Variants in PTPRC observed in about 807,000 individuals in gnomAD.
The protein encoded by PTPRC is receptor-type tyrosine-protein phosphatase C.
PTPRC carries 44 observed loss-of-function variants against 155.9 expected under a neutral mutation model. That is an observed-to-expected ratio of 0.28 (90% CI 0.22 to 0.36). The LOEUF is 0.36. PTPRC is among the 10% of genes least tolerant of loss of function. The pLI is 1.00. For missense variants in PTPRC, 1,401 were observed against 1,564.6 expected (o/e 0.90, Z 1.76); for synonymous variants, 525 against 533.1 (o/e 0.98, Z 0.21).
At chr1:198,643,231 G>A (rs12043570) in intron 2 of PTPRC, among the ~76,000 whole-genome samples, 1 of 151,636 alleles carries the variant, frequency 6.6e-6, no homozygotes, top group African/African-American at 2.4e-5. Context: ...ATGTGAATTA[G>A]TGGATTTCTT....
At chr1:198,639,452 T>C in intron 2 of PTPRC, 111 bp downstream of exon 2, 1 of 808,040 alleles carries the variant, frequency 1.2e-6, no homozygotes, top group Non-Finnish European at 2.0e-6. Flanking sequence ...GTGAGAAGCC[T>C]GCTGTAAACC....
chr1:198,702,384 C>T lies in PTPRC; in HGVS notation c.440-3C>T. 1 of 1,614,178 alleles carries T rather than the reference C, an allele frequency of 6.2e-7. No individual in the cohort carries two copies. On this transcript the variant is annotated splice_polypyrimidine_tract_variant and splice_region_variant and intron_variant, in intron 5 of 32. Transcript: ENST00000442510. ...ACAGTGCTGATGGCCCTTCTGATTGCAGATGTCCCAGGAGAGAGGAGTACA... is the reference window on the plus strand; with the variant it reads ...ACAGTGCTGATGGCCCTTCTGATTGTAGATGTCCCAGGAGAGAGGAGTACA...
chr1:198,734,174 T>C, intron 20 of PTPRC, 22 bp from the exon 21 acceptor site: 1 of 1,606,022 alleles, frequency 6.2e-7, no homozygotes, highest in South Asian at 1.1e-5. Flanking sequence ...AAATGACATA[T>C]CTCTGCATGT....
chr1:198,744,068 G>A lies in PTPRC; in HGVS notation c.2712G>A (p.Leu904=). The A allele has an allele frequency of 6.2e-7, 1 of 1,604,438 alleles. No individual in the cohort carries two copies. Among genetic ancestry groups the A allele is most frequent in the Non-Finnish European group, 8.5e-7 (1 of 1,172,122 alleles). ...TGAAATTGTAGGCCCAGTACATCTT[G>A]ATCCATCAGGCTTTGGTGGAATACA... ...LMVQVEAQYI[L]IHQALVEYNQ... The change falls in exon 26 of 33, where the codon TTG becomes TTA. Residue 904 remains leucine, a synonymous_variant. Transcript: ENST00000442510.
chr1:198,661,856 A>G (rs1663987558), intron 2 of PTPRC, among the ~76,000 whole-genome samples: 1 of 152,122 alleles, frequency 6.6e-6, no homozygotes, highest in Admixed American at 6.6e-5. Context: ...GACTTCTTTA[A>G]GTTTTCCGTA....
At chr1:198,721,218 C>T (rs538910145) in intron 14 of PTPRC, among the ~76,000 whole-genome samples, 2 of 152,250 alleles carry the variant, frequency 1.3e-5, no homozygotes, top group Non-Finnish European at 2.9e-5. Flanking sequence ...CATGAGAGAG[C>T]AGTCATTTCA....
intron 12 of PTPRC, among the ~76,000 whole-genome samples, chr1:198,714,706 C>A (rs1262971194): frequency 3.9e-5 from 6 of 152,142 alleles, no homozygotes; most frequent in Non-Finnish European, 8.8e-5. Flanking sequence ...TCCCATGTTA[C>A]CTAAGGCAAA....
chr1:198,735,047 T>C (rs1654564538), intron 22 of PTPRC, 80 bp from the exon 23 acceptor site: 3 of 1,287,410 alleles, frequency 2.3e-6, no homozygotes, highest in South Asian at 1.4e-5. Flanking sequence ...ATAGGTTTTG[T>C]TTTCACTGTT....
chr1:198,661,838 A>G (rs996170428), intron 2 of PTPRC, among the ~76,000 whole-genome samples: 8 of 152,286 alleles, frequency 5.3e-5, no homozygotes, highest in African/African-American at 1.9e-4. Flanking sequence ...ATTTTTTAGG[A>G]CAAAATAGAC....
intron 2 of PTPRC, among the ~76,000 whole-genome samples, chr1:198,666,813 A>T (rs755805994): frequency 2.0e-5 from 3 of 152,198 alleles, no homozygotes; most frequent in Non-Finnish European, 4.4e-5. Flanking sequence ...TTGAATGAGG[A>T]TGAGTATAAG....
At position 198,750,633 on chromosome 1, in the gene PTPRC, A is replaced by G; in HGVS notation, c.3207+7A>G. ...ACTGAAACATGGAGACCAGGTTTGT[A>G]CTTTTGAGGATTTTCTTTTAAGCCT... On this transcript the variant is annotated splice_region_variant and intron_variant, in intron 29 of 32. Transcript: ENST00000442510. 1.2e-6 allele frequency: 2 copies of G among 1,612,324 alleles called. No individual in the cohort carries two copies. Among genetic ancestry groups the G allele is most frequent in the Non-Finnish European group, 8.5e-7 (1 of 1,178,796 alleles).
intron 2 of PTPRC, among the ~76,000 whole-genome samples, chr1:198,678,417 T>C (rs1341291045): frequency 1.3e-5 from 2 of 152,164 alleles, no homozygotes; most frequent in African/African-American, 4.8e-5. Context: ...CAGATCAGCT[T>C]TTCTTACCCC....
rs1363378231 is a variant in PTPRC at position 198,716,598 on chromosome 1, T to G, written c.1292-84T>G. 7 of 1,204,650 alleles carry G rather than the reference T, an allele frequency of 5.8e-6. No homozygotes were observed. The East Asian group carries it at 9.3e-5, about 16-fold the overall frequency. 74.6% of individuals were successfully genotyped at this position (1,204,650 alleles called of 1,614,324 possible). A position where few individuals can be genotyped will look rare whatever the true frequency, so the allele number is the denominator to read the frequency against. On this transcript the variant is annotated intron_variant, in intron 12 of 32. Coordinates refer to ENST00000442510, the MANE Select transcript of PTPRC (RefSeq NM_002838.5). ...ATAGTTTGGAGTTCACTTGGAACAA[T>G]GTGATGTAGAGACCAAATTAATTAG...
Position 198,728,402 on chromosome 1 carries a change from CTTG to C in PTPRC, c.1789_1791del (p.Val597del). On this transcript the variant is annotated inframe_deletion, in exon 16 of 33. Transcript: ENST00000442510. ...GATTATTGTGACATCAATAGCCCTG[CTTG>C]TTGTTCTCTACAAAATCTATGATCT... 2 of 1,612,936 alleles carry C rather than the reference CTTG, an allele frequency of 1.2e-6. No homozygotes were observed. Among genetic ancestry groups the C allele is most frequent in the East Asian group, 2.2e-5 (1 of 44,734 alleles).
chr1:198,671,827 A>G (rs1414054806), intron 2 of PTPRC, among the ~76,000 whole-genome samples: 1 of 152,182 alleles, frequency 6.6e-6, no homozygotes, highest in East Asian at 1.9e-4. Flanking sequence ...ATTGACTGAC[A>G]AAGAACATGC....
intron 30 of PTPRC, 106 bp downstream of exon 30, chr1:198,752,477 C>A: frequency 6.6e-7 from 1 of 1,523,588 alleles, no homozygotes; most frequent in Non-Finnish European, 9.0e-7. Flanking sequence ...AATAATGTTT[C>A]AGAATAACAT....
At chr1:198,642,907 C>CCTTCCTTT (rs1662687145) in intron 2 of PTPRC, among the ~76,000 whole-genome samples, 11 of 93,766 alleles carry the variant, frequency 1.2e-4, no homozygotes, top group South Asian at 7.8e-4. Flanking sequence ...TTTCTTTCTT[C>CCTTCCTTT]CTTTCTTTCT....
rs546028823 is a variant in PTPRC at position 198,698,913 on chromosome 1, G to A, written c.299-651G>A. On this transcript the variant is annotated intron_variant, in intron 4 of 32. Transcript: ENST00000442510. ...TTAACCATTGTTGTATATCCTCCAG[G>A]CTCTCAACATATGATTTTGTGAGTA... Among the ~76,000 whole-genome samples the A allele has an allele frequency of 2.6e-5, 4 of 151,958 alleles. No individual in the cohort carries two copies. The East Asian group carries it at 7.7e-4, about 29-fold the overall frequency.
At chr1:198,711,581 A>T (rs1653312765) in intron 11 of PTPRC, among the ~76,000 whole-genome samples, 1 of 152,220 alleles carries the variant, frequency 6.6e-6, no homozygotes, top group Admixed American at 6.5e-5. Flanking sequence ...AAGATTTCCT[A>T]GGGCACAAAA....
Sources: gnomAD v4.1 joint callset for allele counts (sites outside exome capture counted in the v4.1 genomes callset) on GRCh38, gnomAD v4.1.1 for gene constraint, MANE v1.5 for transcripts, NCBI Gene and HGNC (gene_info 2026-07-23, HGNC 2026-07-21) for gene names.